Variants in ITPRIP observed in about 807,000 individuals in gnomAD.
ITPRIP encodes the protein inositol 1,4,5-trisphosphate receptor interacting protein.
In ITPRIP, 32 loss-of-function variants were observed where a neutral mutation model predicts 35.8. The observed-to-expected ratio is 0.89, with a 90% CI of 0.68 to 1.20. The LOEUF (loss-of-function observed/expected upper bound fraction) is 1.20. Ranked by LOEUF, ITPRIP falls within the 50% of genes most tolerant of loss-of-function variation. The probability of loss-of-function intolerance (pLI) is 0.00; values close to 1 mark genes in which losing one functional copy is unlikely to be tolerated. For synonymous variants in ITPRIP, 358 were observed against 324.0 expected (o/e 1.11, Z -1.13); for missense variants, 653 against 735.6 (o/e 0.89, Z 1.30).
Position 104,312,571 on chromosome 10 carries a change from C to G in ITPRIP, c.*1837G>C. On this transcript the variant is annotated 3_prime_UTR_variant, in exon 2 of 2. Transcript: ENST00000337478. ...GGACACACTTGAGCTGGTTCATTCC[C>G]TGGAGTGCCCCGCAACTGCGTCTAG... 1.0e-6 allele frequency: 1 copy of G among 975,426 alleles called. No individual in the cohort carries two copies. The highest frequency in any genetic ancestry group is 4.7e-5 in the South Asian group (1 of 21,098). The allele number at this position is 975,426 out of a possible 1,614,324, so 60.4% of individuals were successfully genotyped here.
At chr10:104,318,521 A>G (rs1051875806) in intron 1 of ITPRIP, among the ~76,000 whole-genome samples, 1 of 152,212 alleles carries the variant, frequency 6.6e-6, no homozygotes, top group African/African-American at 2.4e-5. Context: ...GGCCACGGCC[A>G]AGCCCTATGG....
rs1309016735 is a variant in ITPRIP, at chr10:104,312,069, T to G, written c.*2339A>C. 6.6e-6 allele frequency: 1 copy of G among 152,150 alleles called. No homozygotes were observed. 9.4% of individuals were successfully genotyped at this position (152,150 alleles called of 1,614,324 possible). A position where few individuals can be genotyped will look rare whatever the true frequency, so the allele number is the denominator to read the frequency against. On this transcript the variant is annotated 3_prime_UTR_variant, in exon 2 of 2. Coordinates refer to ENST00000337478, the MANE Select transcript of ITPRIP (RefSeq NM_001272013.2). Reference sequence around the variant, plus strand: ...TTTGTCAATAGGAAATCCACCCCCCTGTCCCCAACTCTGCCCTGGGAGCCT... The same window carrying G: ...TTTGTCAATAGGAAATCCACCCCCCGGTCCCCAACTCTGCCCTGGGAGCCT...
Position 104,328,171 on chromosome 10 carries a change from C to T in ITPRIP, c.-14+10075G>A. 1.0e-6 allele frequency: 1 copy of T among 961,666 alleles called. No individual in the cohort carries two copies. The highest frequency in any genetic ancestry group is 1.2e-6 in the Non-Finnish European group (1 of 808,268). 59.6% of individuals were successfully genotyped at this position (961,666 alleles called of 1,614,324 possible). A position where few individuals can be genotyped will look rare whatever the true frequency, so the allele number is the denominator to read the frequency against. ...CCAGCCTGCAGGGGAAGGTCTCCCT[C>T]AGCCTCCAGGATTCCCATCTCCGGT... On this transcript the variant is annotated intron_variant, in intron 1 of 1. Transcript: ENST00000337478. This position sits in a 1 kb window ranked among gnomAD's most constrained non-coding sequence, Gnocchi z 4.1.
Position 104,314,106 on chromosome 10 carries a change from G to GTCCA in ITPRIP, c.*298_*301dup. ...ACATTTGCATTGTCTCTAACTCAGG[G>GTCCA]TCCACAGCGTGTTCTGCCACCATCT... On this transcript the variant is annotated 3_prime_UTR_variant, in exon 2 of 2. Coordinates refer to ENST00000337478, the MANE Select transcript of ITPRIP (RefSeq NM_001272013.2). 1.7e-6 allele frequency: 2 copies of GTCCA among 1,172,214 alleles called. No homozygotes were observed. The highest frequency in any genetic ancestry group is 2.1e-6 in the Non-Finnish European group (2 of 946,162). The allele number at this position is 1,172,214 out of a possible 1,614,324, so 72.6% of individuals were successfully genotyped here. A position where few individuals can be genotyped will look rare whatever the true frequency, so the allele number is the denominator to read the frequency against.
At chr10:104,332,779 T>C (rs151211097) in intron 1 of ITPRIP, among the ~76,000 whole-genome samples, 197 of 152,322 alleles carry the variant, frequency 1.3e-3, no homozygotes, top group African/African-American at 4.4e-3. Flanking sequence ...ACTGAAAGCA[T>C]TCCATGAATT....
rs2013531171 is a variant in ITPRIP at position 104,313,187 on chromosome 10, C to T, written c.*1221G>A. 1 of 985,618 alleles carries T rather than the reference C, an allele frequency of 1.0e-6. No individual in the cohort carries two copies. The highest frequency in any genetic ancestry group is 1.2e-6 in the Non-Finnish European group (1 of 830,058). 61.1% of individuals were successfully genotyped at this position (985,618 alleles called of 1,614,324 possible). A position where few individuals can be genotyped will look rare whatever the true frequency, so the allele number is the denominator to read the frequency against. On this transcript the variant is annotated 3_prime_UTR_variant, in exon 2 of 2. Transcript: ENST00000337478. ...TTTCCATAGTTCTTGCTTCCATGCA[C>T]ACCCTGCCCTAGGATTGGGACCCTG...
At chr10:104,327,399 G>T (rs2014047204) in intron 1 of ITPRIP, among the ~76,000 whole-genome samples, 1 of 152,034 alleles carries the variant, frequency 6.6e-6, no homozygotes, top group Non-Finnish European at 1.5e-5. Context: ...AGGACCTCTT[G>T]GTTCCCTCTC....
intron 1 of ITPRIP, among the ~76,000 whole-genome samples, chr10:104,335,061 G>A (rs924513153): frequency 6.6e-6 from 1 of 152,334 alleles, no homozygotes; most frequent in East Asian, 1.9e-4. Context: ...TGGGACAGGT[G>A]ACGTGATCCA....
chr10:104,312,521 G>T lies in ITPRIP; in HGVS notation c.*1887C>A. Reference sequence around the variant, plus strand: ...GAGGAGGGTCAGGCTGTGAGGGATTGGGGGTAGCTCCAGGCTGCTGTTAGG... The same window carrying T: ...GAGGAGGGTCAGGCTGTGAGGGATTTGGGGTAGCTCCAGGCTGCTGTTAGG... On this transcript the variant is annotated 3_prime_UTR_variant, in exon 2 of 2. Transcript: ENST00000337478. 3.5e-6 allele frequency: 2 copies of T among 563,538 alleles called. No individual in the cohort carries two copies. The highest frequency in any genetic ancestry group is 2.0e-5 in the African/African-American group (1 of 49,092). The allele number at this position is 563,538 out of a possible 1,614,324, so 34.9% of individuals were successfully genotyped here. A position where few individuals can be genotyped will look rare whatever the true frequency, so the allele number is the denominator to read the frequency against.
chr10:104,312,781 CTCCT>C lies in ITPRIP; in HGVS notation c.*1623_*1626del. ...GCACTCCTGGGGATGGGGGAAGGAT[CTCCT>C]TCCTTCAGTTTGTGGGGTAACTGGG... On this transcript the variant is annotated 3_prime_UTR_variant, in exon 2 of 2. Coordinates refer to ENST00000337478, the MANE Select transcript of ITPRIP (RefSeq NM_001272013.2). 1.0e-6 allele frequency: 1 copy of C among 985,296 alleles called. No homozygotes were observed. Among genetic ancestry groups the C allele is most frequent in the African/African-American group, 1.7e-5 (1 of 57,312 alleles). The allele number at this position is 985,296 out of a possible 1,614,324, so 61.0% of individuals were successfully genotyped here.
At chr10:104,337,687 C>A (rs1430480420) in intron 1 of ITPRIP, among the ~76,000 whole-genome samples, 1 of 151,920 alleles carries the variant, frequency 6.6e-6, no homozygotes, top group Non-Finnish European at 1.5e-5. Flanking sequence ...ACTAATAGTC[C>A]CGAAAGAGGA....
In ITPRIP at chr10:104,315,254, C is replaced by T; in HGVS notation, c.798G>A (p.Met266Ile). The change falls in exon 2 of 2, where the codon ATG becomes ATA. Residue 266 changes from methionine to isoleucine, a missense_variant. Met to Ile is a conservative substitution (Grantham distance 10, BLOSUM62 1). Transcript: ENST00000337478. This position sits in a 1 kb window ranked among gnomAD's most constrained non-coding sequence, Gnocchi z 5.7. ...TGTTCCTGCCGTGCAGGAGACACAG[C>T]ATGTCTTCCCCGAGCTTGGTCTTGC... ...ICGKTKLGED[M>I]LCLLHGRNSM... 6.2e-7 allele frequency: 1 copy of T among 1,610,062 alleles called. No individual in the cohort carries two copies. Among genetic ancestry groups the T allele is most frequent in the Non-Finnish European group, 8.5e-7 (1 of 1,177,432 alleles).
intron 1 of ITPRIP, among the ~76,000 whole-genome samples, chr10:104,336,451 C>G (rs904044972): frequency 1.5e-5 from 2 of 134,984 alleles, no homozygotes; most frequent in African/African-American, 5.5e-5. Flanking sequence ...GAACCTGAGT[C>G]TTGGACTCTG....
intron 1 of ITPRIP, among the ~76,000 whole-genome samples, chr10:104,334,630 C>T (rs1427782791): frequency 6.6e-6 from 1 of 152,188 alleles, no homozygotes; most frequent in Non-Finnish European, 1.5e-5. Flanking sequence ...AAATACTGCC[C>T]TTGAGGCACT....
chr10:104,318,107 T>C (rs1370732068), intron 1 of ITPRIP, among the ~76,000 whole-genome samples: 3 of 152,088 alleles, frequency 2.0e-5, no homozygotes, highest in Admixed American at 6.5e-5. Context: ...GCAAGGTGGG[T>C]GGGGTAAGGA....
Position 104,314,687 on chromosome 10 carries a change from G to C in ITPRIP, c.1365C>G (p.Asp455Glu). The C allele has an allele frequency of 1.2e-6, 2 of 1,613,820 alleles. No homozygotes were observed. Among genetic ancestry groups the C allele is most frequent in the Non-Finnish European group, 1.7e-6 (2 of 1,179,900 alleles). ...QAADWKAGQL[D>E]ARLHELLCFL... Reference sequence around the variant, plus strand: ...AGCACAGCAACTCGTGCAGACGAGCGTCCAGCTGCCCCGCCTTCCAGTCGG... The same window carrying C: ...AGCACAGCAACTCGTGCAGACGAGCCTCCAGCTGCCCCGCCTTCCAGTCGG... Residue 455 changes from aspartate to glutamate, a missense_variant, in exon 2 of 2, where the codon GAC (aspartate) becomes GAG (glutamate). By Grantham distance (45) the Asp-to-Glu change is conservative. Coordinates refer to ENST00000337478, the MANE Select transcript of ITPRIP (RefSeq NM_001272013.2).
chr10:104,322,100 G>A (rs1017875886), intron 1 of ITPRIP, among the ~76,000 whole-genome samples: 1 of 152,154 alleles, frequency 6.6e-6, no homozygotes, highest in Non-Finnish European at 1.5e-5. Flanking sequence ...GCAGAGGAGG[G>A]AGGGAGCTTC....
rs562653021 is a variant in ITPRIP, at chr10:104,325,736, C to T, written c.-13-9672G>A. Among the ~76,000 whole-genome samples, 14 of 152,288 alleles carry T rather than the reference C, an allele frequency of 9.2e-5. No individual in the cohort carries two copies. In the East Asian group the frequency reaches 1.2e-3, roughly 13 times the overall value. ...CCCGAGTCCAGCCAGCGTGTGCACA[C>T]GCGGACAGCAGAGGCTCGCCTAAGC... On this transcript the variant is annotated intron_variant, in intron 1 of 1. Coordinates refer to ENST00000337478, the MANE Select transcript of ITPRIP (RefSeq NM_001272013.2).
rs2013490194 is a variant in ITPRIP, at chr10:104,311,551, G to A, written c.*2857C>T. 1 of 152,288 alleles carries A rather than the reference G, an allele frequency of 6.6e-6. No homozygotes were observed. Among genetic ancestry groups the A allele is most frequent in the African/African-American group, 2.4e-5 (1 of 41,464 alleles). 9.4% of individuals were successfully genotyped at this position (152,288 alleles called of 1,614,324 possible). A position where few individuals can be genotyped will look rare whatever the true frequency, so the allele number is the denominator to read the frequency against. On this transcript the variant is annotated 3_prime_UTR_variant, in exon 2 of 2. Transcript: ENST00000337478. ...CACCCCCAGGTTCTCAACGGGGGCT[G>A]TGCTTCAGCCAGGCATGCAGAGGGG...
Sources: gnomAD v4.1 joint callset for allele counts (sites outside exome capture counted in the v4.1 genomes callset) on GRCh38, gnomAD v4.1.1 for gene constraint, Gnocchi (gnomAD v3.1) non-coding constraint, MANE v1.5 for transcripts, NCBI Gene and HGNC (gene_info 2026-07-23, HGNC 2026-07-21) for gene names.